KCNMB4: variants seen among roughly 807,000 people sequenced by gnomAD.
KCNMB4 encodes the protein potassium calcium-activated channel subfamily M regulatory beta subunit 4.
In KCNMB4, 3 loss-of-function variants were observed where a neutral mutation model predicts 20.7. The observed-to-expected ratio is 0.14, with a 90% CI of 0.07 to 0.37. KCNMB4 has a LOEUF of 0.37. Among genes scored for constraint, KCNMB4 ranks in the 10% least tolerant of loss-of-function variants. KCNMB4 has a pLI of 1.00. For synonymous variants in KCNMB4, 110 were observed against 113.4 expected (o/e 0.97, Z 0.19); for missense variants, 168 against 265.9 (o/e 0.63, Z 2.56).
chr12:70,425,207 T>C (rs944833694), intron 2 of KCNMB4, among the ~76,000 whole-genome samples: 1 of 151,554 alleles, frequency 6.6e-6, no homozygotes, highest in African/African-American at 2.4e-5. Flanking sequence ...GAGGCCGAGG[T>C]GGGCAGATCA....
intron 1 of KCNMB4, among the ~76,000 whole-genome samples, chr12:70,378,940 TCTC>T (rs1208214247): frequency 6.6e-6 from 1 of 152,140 alleles, no homozygotes; most frequent in African/African-American, 2.4e-5. Context: ...ACAACATTAA[TCTC>T]CTCATACATC....
In KCNMB4 at chr12:70,366,692, G is replaced by T; in HGVS notation, c.-43G>T. The T allele has an allele frequency of 7.1e-7, 1 of 1,399,222 alleles. No homozygotes were observed. Among genetic ancestry groups the T allele is most frequent in the Non-Finnish European group, 9.4e-7 (1 of 1,069,226 alleles). 86.7% of individuals were successfully genotyped at this position (1,399,222 alleles called of 1,614,324 possible). On this transcript the variant is annotated 5_prime_UTR_variant, in exon 1 of 3. Transcript: ENST00000258111. ...CAGTCGGGCTCGGCGCCGGGGGCGG[G>T]AGGGGGCGGGGGGAGCACGCCAGCC...
chr12:70,413,303 AAAGTT>A (rs1369380647), intron 2 of KCNMB4, among the ~76,000 whole-genome samples: 23 of 152,224 alleles, frequency 1.5e-4, no homozygotes, highest in African/African-American at 2.9e-4. Flanking sequence ...TCGTGGCATT[AAAGTT>A]AAGAATTTGA....
Position 70,366,986 on chromosome 12 carries a change from C to T in KCNMB4, c.252C>T (p.Cys84=), listed in dbSNP as rs959103639. Residue 84 remains cysteine, a synonymous_variant, in exon 1 of 3, where the codon TGC becomes TGT. Coordinates refer to ENST00000258111, the MANE Select transcript of KCNMB4 (RefSeq NM_014505.6). ...GCAGGGGCACCTCGCAGTACCCCTGCGTCCAGGTCTACGTGAACAACTCTG... is the reference window on the plus strand; with the variant it reads ...GCAGGGGCACCTCGCAGTACCCCTGTGTCCAGGTCTACGTGAACAACTCTG... ...ADCRGTSQYP[C]VQVYVNNSES... is the part of the protein sequence containing the mutation. 6.2e-7 allele frequency: 1 copy of T among 1,606,602 alleles called. No individual in the cohort carries two copies. The highest frequency in any genetic ancestry group is 1.1e-5 in the South Asian group (1 of 90,114).
intron 1 of KCNMB4, among the ~76,000 whole-genome samples, chr12:70,377,337 C>A (rs369491911): frequency 7.9e-5 from 12 of 152,228 alleles, no homozygotes; most frequent in African/African-American, 2.9e-4. Flanking sequence ...AAGAGTCACA[C>A]AAATTTTTTA....
At chr12:70,382,926 G>A (rs1440250868) in intron 1 of KCNMB4, among the ~76,000 whole-genome samples, 1 of 151,530 alleles carries the variant, frequency 6.6e-6, no homozygotes, top group Non-Finnish European at 1.5e-5. Flanking sequence ...AGATAGTATA[G>A]CCTACTACAC....
chr12:70,370,311 T>TG (rs938733844), intron 1 of KCNMB4, among the ~76,000 whole-genome samples: 61 of 148,802 alleles, frequency 4.1e-4, no homozygotes, highest in African/African-American at 1.4e-3. Flanking sequence ...TTTTTTGTTT[T>TG]TTTGTTTTTT....
At chr12:70,401,430 T>TAAC (rs1868447037) in intron 2 of KCNMB4, among the ~76,000 whole-genome samples, 1 of 152,184 alleles carries the variant, frequency 6.6e-6, no homozygotes, top group Non-Finnish European at 1.5e-5. Flanking sequence ...AATAGTCTTG[T>TAAC]AACAAGTCTT....
At chr12:70,386,578 TTTTG>T (rs1457233152) in intron 1 of KCNMB4, among the ~76,000 whole-genome samples, 4 of 148,150 alleles carry the variant, frequency 2.7e-5, no homozygotes, top group East Asian at 1.9e-4. Context: ...ATTGTAGCCT[TTTTG>T]TTTGTTTGTT....
At chr12:70,402,611 C>T (rs1001149555) in intron 2 of KCNMB4, among the ~76,000 whole-genome samples, 1 of 134,908 alleles carries the variant, frequency 7.4e-6, no homozygotes. Flanking sequence ...GCCATGATCA[C>T]ACCACTGCAC....
chr12:70,427,164 T>C (rs1216940106), intron 2 of KCNMB4, among the ~76,000 whole-genome samples: 1 of 152,226 alleles, frequency 6.6e-6, no homozygotes, highest in Non-Finnish European at 1.5e-5. Flanking sequence ...TTCCCTACCA[T>C]ATAATTACGG....
intron 2 of KCNMB4, among the ~76,000 whole-genome samples, chr12:70,409,674 G>A (rs1292641015): frequency 6.6e-6 from 1 of 152,154 alleles, no homozygotes; most frequent in Non-Finnish European, 1.5e-5. Flanking sequence ...GGCATGATGG[G>A]GAATTTCAAA....
chr12:70,380,028 A>C (rs1033496166), intron 1 of KCNMB4, among the ~76,000 whole-genome samples: 12 of 152,238 alleles, frequency 7.9e-5, no homozygotes, highest in African/African-American at 2.7e-4. Context: ...TTGGCAGAAG[A>C]GGCCTACCTT....
chr12:70,384,190 G>GA (rs376875301), intron 1 of KCNMB4, among the ~76,000 whole-genome samples: 1 of 151,988 alleles, frequency 6.6e-6, no homozygotes, highest in African/African-American at 2.4e-5. Context: ...ATTTTTATAT[G>GA]AAAAAAGACT....
chr12:70,422,603 T>C, intron 2 of KCNMB4: 1 of 809,996 alleles, frequency 1.2e-6, no homozygotes, highest in South Asian at 1.5e-5. Context: ...GGATTTCTAA[T>C]TAATAAAGCC....
In KCNMB4 at chr12:70,388,949, G is replaced by C. The variant is rs1056096973; in HGVS notation, c.337-11260G>C. Reference sequence around the variant, plus strand: ...CCCTTGTGCCACCCAGAGATAACTGGTTTTAACTATTTTTAGGGCTTTTTT... The same window carrying C: ...CCCTTGTGCCACCCAGAGATAACTGCTTTTAACTATTTTTAGGGCTTTTTT... On this transcript the variant is annotated intron_variant, in intron 1 of 2. Coordinates refer to ENST00000258111, the MANE Select transcript of KCNMB4 (RefSeq NM_014505.6). 2.0e-5 allele frequency among the ~76,000 whole-genome samples: 3 copies of C among 149,338 alleles called. No homozygotes were observed. In the East Asian group the frequency reaches 5.9e-4, roughly 30 times the overall value.
chr12:70,379,249 A>C (rs568536833), intron 1 of KCNMB4, among the ~76,000 whole-genome samples: 2 of 152,130 alleles, frequency 1.3e-5, no homozygotes, highest in Admixed American at 6.5e-5. Flanking sequence ...GTTCTTTGAA[A>C]CTTTGAAGCC....
intron 2 of KCNMB4, among the ~76,000 whole-genome samples, chr12:70,418,336 C>T (rs543496588): frequency 7.2e-5 from 11 of 152,050 alleles, no homozygotes; most frequent in Non-Finnish European, 1.6e-4. Context: ...TTGCCTGGAG[C>T]GAGGGCTGAG....
intron 2 of KCNMB4, among the ~76,000 whole-genome samples, chr12:70,400,912 A>G (rs1438567277): frequency 2.0e-5 from 3 of 152,180 alleles, no homozygotes; most frequent in Non-Finnish European, 2.9e-5. Flanking sequence ...TTGCTCCCAT[A>G]ATCTCTGTCT....
Sources: allele counts gnomAD v4.1 joint callset (sites outside exome capture counted in the v4.1 genomes callset), GRCh38; gene constraint gnomAD v4.1.1; transcripts MANE v1.5; gene names NCBI Gene and HGNC (gene_info 2026-07-23, HGNC 2026-07-21).